The following TOM1L2 variants were observed in gnomAD, a reference collection of about 807,000 sequenced individuals.
TOM1L2 encodes the protein target of myb1 like 2 membrane trafficking protein.
A neutral mutation model predicts 67.9 loss-of-function variants in TOM1L2; 31 were observed. That is an observed-to-expected ratio of 0.46 (90% CI 0.34 to 0.62). The LOEUF (loss-of-function observed/expected upper bound fraction) is 0.62. Ranked by LOEUF, TOM1L2 falls within the 20% of genes least tolerant of loss-of-function variation. The pLI is 0.01. For missense variants in TOM1L2, 606 were observed against 663.5 expected (o/e 0.91, Z 0.95); for synonymous variants, 256 against 254.0 (o/e 1.01, Z -0.07).
At chr17:17,927,538 C>T (rs2040144916) in intron 1 of TOM1L2, among the ~76,000 whole-genome samples, 1 of 152,140 alleles carries the variant, frequency 6.6e-6, no homozygotes, top group Non-Finnish European at 1.5e-5. Flanking sequence ...AAACATTTGG[C>T]CTCGTGAGAA....
chr17:17,891,784 CGTGTGTGTGTGTGTGT>C (rs374192888), intron 4 of TOM1L2, among the ~76,000 whole-genome samples: 1 of 143,220 alleles, frequency 7.0e-6, no homozygotes, highest in African/African-American at 2.6e-5. Context: ...TGCATGCACA[CGTGTGTGTGTGTGTGT>C]GTGTGTGTGT....
intron 1 of TOM1L2, among the ~76,000 whole-genome samples, chr17:17,933,844 A>G (rs1217461551): frequency 6.6e-6 from 1 of 152,230 alleles, no homozygotes; most frequent in Non-Finnish European, 1.5e-5. Context: ...TATTTTTTTA[A>G]TCAAATCCAT....
chr17:17,950,307 C>T (rs925702579), intron 1 of TOM1L2, among the ~76,000 whole-genome samples: 5 of 152,142 alleles, frequency 3.3e-5, no homozygotes, highest in Non-Finnish European at 4.4e-5. Context: ...CTGGAATGCA[C>T]CACTATACCC....
At chr17:17,939,221 C>T (rs913823865) in intron 1 of TOM1L2, among the ~76,000 whole-genome samples, 5 of 152,182 alleles carry the variant, frequency 3.3e-5, no homozygotes, top group Non-Finnish European at 5.9e-5. Context: ...GGTGTTGAGA[C>T]GAATACCAGG....
At chr17:17,869,192 C>G (rs1040930067) in intron 8 of TOM1L2, 148 bp downstream of exon 8, 5 of 1,452,076 alleles carry the variant, frequency 3.4e-6, no homozygotes, top group Non-Finnish European at 4.6e-6. Context: ...TCCTGTCAGC[C>G]GGGAACAAAT....
At chr17:17,855,971 AAAAAC>A (rs1174518815) in intron 12 of TOM1L2, among the ~76,000 whole-genome samples, 1 of 152,124 alleles carries the variant, frequency 6.6e-6, no homozygotes, top group Non-Finnish European at 1.5e-5. Flanking sequence ...AGAAAAAAAA[AAAAAC>A]AAACTGCAGT....
At chr17:17,925,973 C>T (rs1032663711) in intron 1 of TOM1L2, among the ~76,000 whole-genome samples, 1 of 151,814 alleles carries the variant, frequency 6.6e-6, no homozygotes, top group Non-Finnish European at 1.5e-5. Flanking sequence ...GAATTCAAAA[C>T]CAGCCTGGGT....
rs758310693 is a variant in TOM1L2 at position 17,869,486 on chromosome 17, T to C, written c.778-13A>G. ...TCCTGTTGAGCTCCTAGGGAACACA[T>C]GCACCTCTGGGTAGCCTGCTGGGTG... On this transcript the variant is annotated splice_polypyrimidine_tract_variant and intron_variant, in intron 7 of 14. Transcript: ENST00000379504. 3.4e-5 allele frequency: 54 copies of C among 1,596,926 alleles called. No homozygotes were observed. The Middle Eastern group carries it at 2.5e-3, about 74-fold the overall frequency.
At chr17:17,912,018 G>C (rs1338465091) in intron 1 of TOM1L2, among the ~76,000 whole-genome samples, 1 of 150,976 alleles carries the variant, frequency 6.6e-6, no homozygotes, top group African/African-American at 2.4e-5. Context: ...ATTTTTCTTA[G>C]TACAGAACAA....
chr17:17,929,973 G>A (rs1363437626), intron 1 of TOM1L2, among the ~76,000 whole-genome samples: 4 of 152,234 alleles, frequency 2.6e-5, no homozygotes, highest in Non-Finnish European at 2.9e-5. Context: ...TGGGAGGGCT[G>A]TCTCTGTGTC....
intron 1 of TOM1L2, among the ~76,000 whole-genome samples, chr17:17,927,044 T>C (rs1196389664): frequency 6.6e-6 from 1 of 152,216 alleles, no homozygotes; most frequent in Non-Finnish European, 1.5e-5. Context: ...TCACCTTGAA[T>C]AATACGAAAC....
intron 10 of TOM1L2, among the ~76,000 whole-genome samples, chr17:17,863,680 C>T (rs1335909898): frequency 1.3e-5 from 2 of 151,420 alleles, no homozygotes; most frequent in African/African-American, 2.4e-5. Flanking sequence ...TCCCAAGTAG[C>T]TAGGACTACA....
At chr17:17,950,075 T>C (rs560375557) in intron 1 of TOM1L2, among the ~76,000 whole-genome samples, 62 of 152,170 alleles carry the variant, frequency 4.1e-4, no homozygotes, top group African/African-American at 1.4e-3. Context: ...GGTTTCACCA[T>C]GTTTCTCGAT....
intron 12 of TOM1L2, 192 bp from the exon 13 acceptor site, chr17:17,851,144 A>G (rs1042656329): frequency 3.3e-6 from 2 of 604,792 alleles, no homozygotes; most frequent in African/African-American, 3.7e-5. Flanking sequence ...AGGTGAGGAA[A>G]GCAATGAGGT....
chr17:17,949,996 G>A (rs1040806248), intron 1 of TOM1L2, among the ~76,000 whole-genome samples: 1 of 151,652 alleles, frequency 6.6e-6, no homozygotes, highest in Non-Finnish European at 1.5e-5. Context: ...TCAGCCTCCC[G>A]AGTAGCTGGG....
At chr17:17,961,788 C>T (rs868157129) in intron 1 of TOM1L2, among the ~76,000 whole-genome samples, 3 of 150,774 alleles carry the variant, frequency 2.0e-5, no homozygotes, top group Non-Finnish European at 4.4e-5. Context: ...AGGAGAATGG[C>T]GTGAACCCGG....
chr17:17,914,531 C>T (rs2039547091), intron 1 of TOM1L2, among the ~76,000 whole-genome samples: 1 of 152,188 alleles, frequency 6.6e-6, no homozygotes, highest in Admixed American at 6.5e-5. Flanking sequence ...TCTCTGGGGC[C>T]TATCTGGCTC....
chr17:17,934,308 AT>A (rs1226750866), intron 1 of TOM1L2, among the ~76,000 whole-genome samples: 1 of 152,072 alleles, frequency 6.6e-6, no homozygotes, highest in Non-Finnish European at 1.5e-5. Flanking sequence ...TTAGCCAGAT[AT>A]GTTGGTGTGC....
intron 10 of TOM1L2, among the ~76,000 whole-genome samples, chr17:17,864,607 G>A (rs2036746256): frequency 6.6e-6 from 1 of 151,930 alleles, no homozygotes; most frequent in African/African-American, 2.4e-5. Flanking sequence ...CGCCTCCCGG[G>A]TTCAAGCGAT....
Sources: allele counts gnomAD v4.1 joint callset (sites outside exome capture counted in the v4.1 genomes callset), GRCh38; gene constraint gnomAD v4.1.1; transcripts MANE v1.5; gene names NCBI Gene and HGNC (gene_info 2026-07-23, HGNC 2026-07-21).